The following ENTREP2 variants were observed in gnomAD, a reference collection of about 807,000 sequenced individuals.
The protein encoded by ENTREP2 is protein ENTREP2.
At chr15:29,167,275 C>T in the ENTREP2 span, among the ~76,000 whole-genome samples, 2 of 151,930 alleles carry the variant, frequency 1.3e-5, no homozygotes, top group African/African-American at 2.4e-5. Flanking sequence ...ATTTCATGAC[C>T]GAGAACCCAA....
the ENTREP2 span, among the ~76,000 whole-genome samples, chr15:29,396,139 C>A: frequency 4.6e-5 from 7 of 152,274 alleles, no homozygotes; most frequent in African/African-American, 1.7e-4. Context: ...AAGTCTCTTT[C>A]AGAAAATTTC....
At chr15:29,606,819 C>T in the ENTREP2 span, among the ~76,000 whole-genome samples, 339 of 151,458 alleles carry the variant, frequency 2.2e-3, 2 homozygotes, top group African/African-American at 7.7e-3. Context: ...GTGCATTGAA[C>T]CTTTTCTTTC....
the ENTREP2 span, among the ~76,000 whole-genome samples, chr15:29,305,268 G>C: frequency 3.3e-5 from 5 of 152,188 alleles, no homozygotes; most frequent in Admixed American, 6.5e-5. Flanking sequence ...AGTCATACTG[G>C]AGCTTGCACG....
chr15:29,468,674 A>G, the ENTREP2 span, among the ~76,000 whole-genome samples: 2 of 151,992 alleles, frequency 1.3e-5, no homozygotes, highest in South Asian at 4.2e-4. Flanking sequence ...GATTAAACTA[A>G]TTAAATCTTT....
the ENTREP2 span, among the ~76,000 whole-genome samples, chr15:29,351,168 T>C: frequency 1.1e-4 from 17 of 152,324 alleles, no homozygotes; most frequent in Middle Eastern, 0.01. Context: ...CTATATGGTG[T>C]AGCCTATTGC....
the ENTREP2 span, among the ~76,000 whole-genome samples, chr15:29,221,765 GA>G: frequency 6.6e-6 from 1 of 152,190 alleles, no homozygotes; most frequent in Non-Finnish European, 1.5e-5. Context: ...CAGAAAGGGA[GA>G]AAGGGCTAAA....
the ENTREP2 span, among the ~76,000 whole-genome samples, chr15:29,241,864 CCCA>C: frequency 1.3e-5 from 2 of 152,012 alleles, no homozygotes; most frequent in Admixed American, 1.3e-4. Flanking sequence ...GAGACCCCCC[CCCA>C]CCACCACCCT....
the ENTREP2 span, among the ~76,000 whole-genome samples, chr15:29,538,520 C>T: frequency 6.6e-5 from 10 of 151,282 alleles, no homozygotes; most frequent in African/African-American, 2.4e-4. Context: ...TTGGGCCGGG[C>T]GCAGTGGCTC....
the ENTREP2 span, among the ~76,000 whole-genome samples, chr15:29,335,489 C>T: frequency 6.6e-6 from 1 of 152,178 alleles, no homozygotes; most frequent in East Asian, 1.9e-4. Flanking sequence ...GCAACGCTTG[C>T]AAGCAAAGTA....
At chr15:29,575,037 G>T in the ENTREP2 span, among the ~76,000 whole-genome samples, 2 of 152,184 alleles carry the variant, frequency 1.3e-5, no homozygotes, top group South Asian at 4.1e-4. Context: ...TGTGCAGCAC[G>T]TGGGCTGCCT....
the ENTREP2 span, among the ~76,000 whole-genome samples, chr15:29,666,414 C>A: frequency 6.6e-6 from 1 of 151,788 alleles, no homozygotes; most frequent in Non-Finnish European, 1.5e-5. Flanking sequence ...CCTCCCCCCA[C>A]TCACCCCCAC....
At chr15:29,588,770 G>C in the ENTREP2 span, among the ~76,000 whole-genome samples, 2 of 152,062 alleles carry the variant, frequency 1.3e-5, no homozygotes, top group African/African-American at 2.4e-5. Flanking sequence ...GGCTGAGGCA[G>C]GCAGATCACT....
chr15:29,643,763 G>C, the ENTREP2 span, among the ~76,000 whole-genome samples: 2 of 148,638 alleles, frequency 1.3e-5, no homozygotes, highest in Non-Finnish European at 3.0e-5. Flanking sequence ...CCTGGGTGAC[G>C]GAGCGAGACT....
At chr15:29,329,818 C>T in the ENTREP2 span, among the ~76,000 whole-genome samples, 1 of 152,140 alleles carries the variant, frequency 6.6e-6, no homozygotes, top group African/African-American at 2.4e-5. Context: ...AAATAAATAT[C>T]CATGAGTCCA....
At chr15:29,260,710 T>C in the ENTREP2 span, among the ~76,000 whole-genome samples, 1 of 151,996 alleles carries the variant, frequency 6.6e-6, no homozygotes, top group Admixed American at 6.6e-5. Flanking sequence ...GAAATAAGAT[T>C]ATCCACATAT....
chr15:29,559,550 G>C, the ENTREP2 span, among the ~76,000 whole-genome samples: 105 of 152,244 alleles, frequency 6.9e-4, no homozygotes, highest in South Asian at 0.019. Context: ...AATTCAAGGG[G>C]TCACAAGCCT....
At chr15:29,458,574 T>C in the ENTREP2 span, among the ~76,000 whole-genome samples, 2 of 152,154 alleles carry the variant, frequency 1.3e-5, no homozygotes, top group African/African-American at 4.8e-5. Flanking sequence ...ATCCCTGCCC[T>C]GGACTTGGAG....
chr15:29,345,198 A>G, the ENTREP2 span, among the ~76,000 whole-genome samples: 225 of 152,274 alleles, frequency 1.5e-3, no homozygotes, highest in African/African-American at 5.1e-3. Context: ...ATATTAGGAG[A>G]CATATAGGTC....
chr15:29,357,814 G>T, the ENTREP2 span, among the ~76,000 whole-genome samples: 1 of 151,734 alleles, frequency 6.6e-6, no homozygotes, highest in Non-Finnish European at 1.5e-5. Flanking sequence ...ACTCCAGCCT[G>T]GGCGACAGAG....
Sources: allele counts gnomAD v4.1 joint callset (sites outside exome capture counted in the v4.1 genomes callset), GRCh38; gene constraint gnomAD v4.1.1; transcripts MANE v1.5; gene names NCBI Gene and HGNC (gene_info 2026-07-23, HGNC 2026-07-21).